HTR3B: variants seen among roughly 807,000 people sequenced by gnomAD.
HTR3B encodes 5-hydroxytryptamine receptor 3B.
HTR3B carries 44 observed loss-of-function variants against 42.8 expected under a neutral mutation model. The ratio of observed to expected loss-of-function variants is 1.03; its 90% CI spans 0.81 to 1.32. HTR3B has a LOEUF of 1.32. Among genes scored for constraint, HTR3B ranks in the 40% most tolerant of loss-of-function variants. The probability of loss-of-function intolerance (pLI) is 0.00; values close to 1 mark genes in which losing one functional copy is unlikely to be tolerated. For missense variants in HTR3B, 527 were observed against 536.5 expected, an observed-to-expected ratio of 0.98 and a Z score of 0.17; for synonymous variants, 203 against 209.0, an observed-to-expected ratio of 0.97 and a Z score of 0.25.
At chr11:113,904,638 A>G (rs1464543456), upstream of HTR3B, 4 of 343,478 alleles carry the variant, frequency 1.2e-5, no homozygotes, top group Admixed American at 1.8e-4. Flanking sequence ...TACATTATTC[A>G]CTTAGCTATC....
Position 113,943,157 on chromosome 11 carries a change from A to G in HTR3B, c.872A>G (p.Gln291Arg). Reference sequence around the variant, plus strand: ...GTCTTCAGGGTCAACATGTCCAACCAGGTGCCACGGAGTGTAGGGAGCACC... The same window carrying G: ...GTCTTCAGGGTCAACATGTCCAACCGGGTGCCACGGAGTGTAGGGAGCACC... ...YTVFRVNMSN[Q>R]VPRSVGSTPL... The change falls in exon 7 of 9, where the codon CAG becomes CGG. Residue 291 changes from glutamine (Q) to arginine (R), a missense_variant. Gln to Arg is a conservative substitution (Grantham distance 43). Transcript: ENST00000260191. 6.2e-7 allele frequency: 1 copy of G among 1,614,088 alleles called. No individual in the cohort carries two copies. Among genetic ancestry groups the G allele is most frequent in the Non-Finnish European group, 8.5e-7 (1 of 1,180,002 alleles).
chr11:113,914,229 AG>A (rs1949830154), intron 2 of HTR3B, among the ~76,000 whole-genome samples: 1 of 151,902 alleles, frequency 6.6e-6, no homozygotes, highest in East Asian at 2.0e-4. Context: ...GCACTTCGGG[AG>A]GCCGAGGCAG....
chr11:113,920,794 G>C (rs1393919650), intron 2 of HTR3B, among the ~76,000 whole-genome samples: 1 of 152,088 alleles, frequency 6.6e-6, no homozygotes, highest in Non-Finnish European at 1.5e-5. Context: ...AGCTTGAATA[G>C]AAAATTCCTT....
At chr11:113,936,562 A>AG (rs1950093928) in intron 6 of HTR3B, among the ~76,000 whole-genome samples, 5 of 152,030 alleles carry the variant, frequency 3.3e-5, no homozygotes, top group South Asian at 2.1e-4. Context: ...AGAGAGAGAG[A>AG]AAGAGAGAGA....
intron 2 of HTR3B, among the ~76,000 whole-genome samples, chr11:113,921,079 G>A (rs551724537): frequency 4.6e-5 from 7 of 151,016 alleles, no homozygotes; most frequent in African/African-American, 1.7e-4. Context: ...TCCCAGAGTG[G>A]TGGGATTACA....
chr11:113,946,111 C>T lies in HTR3B; in HGVS notation c.1300C>T (p.Leu434Phe). 4 of 1,613,794 alleles carry T rather than the reference C, an allele frequency of 2.5e-6. No homozygotes were observed. The highest frequency in any genetic ancestry group is 3.4e-6 in the Non-Finnish European group (4 of 1,179,748). ...LGIYTITLCS[L>F]WALWGGV is the part of the protein sequence containing the mutation. ...GATCTACACCATCACTCTGTGCTCCCTCTGGGCACTGTGGGGCGGCGTGTG... is the reference window on the plus strand; with the variant it reads ...GATCTACACCATCACTCTGTGCTCCTTCTGGGCACTGTGGGGCGGCGTGTG... The change falls in exon 9 of 9, where the codon CTC (leucine) becomes TTC (phenylalanine). Residue 434 changes from leucine (L) to phenylalanine (F), a missense_variant. Leu to Phe is a conservative substitution (Grantham distance 22). Coordinates refer to ENST00000260191, the MANE Select transcript of HTR3B (RefSeq NM_006028.5).
intron 2 of HTR3B, among the ~76,000 whole-genome samples, chr11:113,924,351 C>G (rs1949946745): frequency 6.6e-6 from 1 of 152,036 alleles, no homozygotes; most frequent in South Asian, 2.1e-4. Flanking sequence ...CACGGTGGCT[C>G]ACACCTGTAA....
At chr11:113,914,303 A>G (rs1010154279) in intron 2 of HTR3B, among the ~76,000 whole-genome samples, 3 of 151,462 alleles carry the variant, frequency 2.0e-5, no homozygotes, top group Non-Finnish European at 2.9e-5. Context: ...CGTCTCTACT[A>G]AAAATACAAA....
chr11:113,928,864 A>G (rs938287724), intron 2 of HTR3B, among the ~76,000 whole-genome samples: 7 of 152,182 alleles, frequency 4.6e-5, no homozygotes, highest in Non-Finnish European at 8.8e-5. Flanking sequence ...TCTAAGGTTG[A>G]ATAATATTCT....
chr11:113,944,246 C>T (rs1950159176), intron 7 of HTR3B, among the ~76,000 whole-genome samples: 1 of 152,110 alleles, frequency 6.6e-6, no homozygotes, highest in Non-Finnish European at 1.5e-5. Context: ...TCTCGATCTC[C>T]TGACCTTGTG....
At chr11:113,922,917 G>A (rs149969684) in intron 2 of HTR3B, among the ~76,000 whole-genome samples, 1 of 152,316 alleles carries the variant, frequency 6.6e-6, no homozygotes, top group East Asian at 1.9e-4. Flanking sequence ...CTAATGTAGT[G>A]TATGCTACTT....
chr11:113,899,538 G>A, the HTR3B span, among the ~76,000 whole-genome samples: 1 of 152,220 alleles, frequency 6.6e-6, no homozygotes, highest in Non-Finnish European at 1.5e-5. Context: ...AAGAGAGTTA[G>A]CGATTAACTT....
intron 2 of HTR3B, among the ~76,000 whole-genome samples, chr11:113,922,333 A>C (rs961336545): frequency 2.6e-5 from 4 of 151,898 alleles, no homozygotes; most frequent in African/African-American, 9.7e-5. Flanking sequence ...TCCCAGGCTC[A>C]GGTGATCCTC....
intron 2 of HTR3B, among the ~76,000 whole-genome samples, chr11:113,911,817 C>T (rs1172661461): frequency 5.3e-5 from 8 of 152,148 alleles, no homozygotes; most frequent in East Asian, 1.9e-4. Flanking sequence ...GCATGAGCCA[C>T]GGTGCCCGGC....
chr11:113,936,150 G>A (rs1400484009), intron 6 of HTR3B, among the ~76,000 whole-genome samples: 2 of 152,194 alleles, frequency 1.3e-5, no homozygotes, highest in Admixed American at 1.3e-4. Flanking sequence ...CTGGTTCCCA[G>A]AAACAGCAGG....
At chr11:113,919,138 C>CT (rs1949887057) in intron 2 of HTR3B, among the ~76,000 whole-genome samples, 1 of 151,958 alleles carries the variant, frequency 6.6e-6, no homozygotes, top group African/African-American at 2.4e-5. Context: ...CCTCTATTAG[C>CT]TTTTTAGCGA....
intron 1 of HTR3B, among the ~76,000 whole-genome samples, chr11:113,907,790 T>C (rs1428658831): frequency 6.6e-6 from 1 of 152,190 alleles, no homozygotes; most frequent in Non-Finnish European, 1.5e-5. Context: ...CTCATTTCGG[T>C]GTTTCCCCAA....
At chr11:113,921,593 T>TG (rs559116558) in intron 2 of HTR3B, among the ~76,000 whole-genome samples, 78 of 149,796 alleles carry the variant, frequency 5.2e-4, no homozygotes, top group African/African-American at 1.9e-3. Context: ...CACTCCAACT[T>TG]GGCGACAGAA....
At position 113,913,203 on chromosome 11, in the gene HTR3B, G is replaced by GT. The variant is rs543300213; in HGVS notation, c.213+3756dup. Among the ~76,000 whole-genome samples, 560 of 150,184 alleles carry GT rather than the reference G, an allele frequency of 3.7e-3. 7 individuals are homozygous for GT. The highest frequency in any genetic ancestry group is 0.012 in the African/African-American group (495 of 41,112). On this transcript the variant is annotated intron_variant, in intron 2 of 8. Coordinates refer to ENST00000260191, the MANE Select transcript of HTR3B (RefSeq NM_006028.5). Reference sequence around the variant, plus strand: ...CCAAAATTTCTTTCTTTCTTTCTTTGTTTTTTTTGAGACAAAGTCTCAAAG... The same window carrying GT: ...CCAAAATTTCTTTCTTTCTTTCTTTGTTTTTTTTTGAGACAAAGTCTCAAAG...
Sources: allele counts gnomAD v4.1 joint callset (sites outside exome capture counted in the v4.1 genomes callset), GRCh38; gene constraint gnomAD v4.1.1; transcripts MANE v1.5; gene names NCBI Gene and HGNC (gene_info 2026-07-23, HGNC 2026-07-21).